The following LCN8 variants were observed in gnomAD, a reference collection of about 807,000 sequenced individuals.
LCN8 encodes the protein lipocalin 8, also known as epididymal-specific lipocalin-8.
Under a neutral mutation model 22.8 loss-of-function variants are expected in LCN8, and 16 were observed. The observed-to-expected ratio is 0.70, with a 90% confidence interval of 0.47 to 1.06. LCN8 has a LOEUF of 1.06. Ranked by LOEUF, LCN8 falls within the 50% of genes least tolerant of loss-of-function variation. The pLI is 0.00. For synonymous variants in LCN8, 92 were observed against 83.4 expected, an observed-to-expected ratio of 1.10 and a Z score of -0.56; for missense variants, 189 against 203.3, an observed-to-expected ratio of 0.93 and a Z score of 0.43.
intron 3 of LCN8, chr9:136,755,987 G>A: frequency 7.8e-7 from 1 of 1,289,988 alleles, no homozygotes; most frequent in South Asian, 1.3e-5. Context: ...GAACGGCACA[G>A]AGAAAAGTGC....
rs377343381 is a variant in LCN8, at chr9:136,757,132, C to T, written c.61G>A (p.Asp21Asn). ...GGGGCCGTCAGCACCAGGCTTTGAT[C>T]GGAGGCCACACCGACTTCCCTCCAG... ...GFWREVGVAS[D>N]QSLVLTAPKR... Residue 21 changes from aspartate to asparagine, a missense_variant, in exon 2 of 7, where the codon GAT (aspartate) becomes AAT (asparagine). By Grantham distance (23) the Asp-to-Asn change is conservative. Transcript: ENST00000371688. 7 of 1,613,162 alleles carry T rather than the reference C, an allele frequency of 4.3e-6. No homozygotes were observed. The highest frequency in any genetic ancestry group is 5.1e-6 in the Non-Finnish European group (6 of 1,179,716).
At chr9:136,755,680 G>T (rs1847167880) in intron 3 of LCN8, 164 bp from the exon 4 acceptor site, 5 of 1,150,270 alleles carry the variant, frequency 4.3e-6, no homozygotes, top group Non-Finnish European at 5.4e-6. Context: ...GTGTTGGTGG[G>T]AGAATGGGAA....
chr9:136,757,838 G>T (rs1588310129), intron 1 of LCN8, 69 bp downstream of exon 1: 6 of 1,612,186 alleles, frequency 3.7e-6, no homozygotes, highest in East Asian at 4.5e-5. Flanking sequence ...ACCGGGAGAG[G>T]CCTCCTTCCC....
chr9:136,755,536 C>A lies in LCN8; in HGVS notation c.227-20G>T, dbSNP rs776036155. ...TGTGGCCTTCAAGAGCCGGCCATGG[C>A]GTTGGGGGAGACGTCTGAGGGGGAC... On this transcript the variant is annotated intron_variant, in intron 3 of 6. Coordinates refer to ENST00000371688, the MANE Select transcript of LCN8 (RefSeq NM_178469.4). 7 of 1,605,586 alleles carry A rather than the reference C, an allele frequency of 4.4e-6. No individual in the cohort carries two copies. Among genetic ancestry groups the A allele is most frequent in the Non-Finnish European group, 5.1e-6 (6 of 1,177,106 alleles).
upstream of LCN8, chr9:136,758,307 A>AC (rs1281052621): frequency 1.7e-5 from 20 of 1,153,810 alleles, no homozygotes; most frequent in South Asian, 6.0e-5. Context: ...GGGCTCGGTG[A>AC]CCCCCACCCC....
Position 136,757,147 on chromosome 9 carries a change from C to T in LCN8, c.46G>A (p.Val16Ile). ...RQKIGGFWRE[V>I]GVASDQSLVL... is the part of the protein sequence containing the mutation. ...AGGCTTTGATCGGAGGCCACACCGA[C>T]TTCCCTCCAGAATCCTCCAATCTAG... Residue 16 changes from valine (V) to isoleucine (I), a missense_variant, in exon 2 of 7, where the codon GTC becomes ATC. Val to Ile is a conservative substitution (Grantham distance 29). Transcript: ENST00000371688. 2.5e-6 allele frequency: 4 copies of T among 1,613,076 alleles called. No homozygotes were observed. Among genetic ancestry groups the T allele is most frequent in the Non-Finnish European group, 3.4e-6 (4 of 1,179,640 alleles).
chr9:136,755,310 G>A lies in LCN8; in HGVS notation c.355C>T (p.Arg119Trp), dbSNP rs766977679. The A allele has an allele frequency of 2.5e-5, 41 of 1,610,284 alleles. No homozygotes were observed. The highest frequency in any genetic ancestry group is 6.7e-5 in the East Asian group (3 of 44,892). ...TCCCGAAACTTCCAGAACCCCAGCC[G>A]GTCCTTGTCCTCAAGGCTCCGAGCT... Reference protein sequence around the residue: ...YFTRSLEDKDRLGFWKFRELT... With the variant: ...YFTRSLEDKDWLGFWKFRELT... Residue 119 changes from arginine to tryptophan, a missense_variant, in exon 5 of 7, where the codon CGG becomes TGG. Transcript: ENST00000371688.
Position 136,758,223 on chromosome 9 carries a change from A to G in LCN8, c.-293T>C, listed in dbSNP as rs4419903. On this transcript the variant is annotated 5_prime_UTR_variant, in exon 1 of 7. The change abolishes an upstream ATG in the 5' untranslated region. Coordinates refer to ENST00000371688, the MANE Select transcript of LCN8 (RefSeq NM_178469.4). Reference sequence around the variant, plus strand: ...CAGCCTGCCCAGCCACCCTCCTGGCATATGGACAGCGGTGGACGCTGCTGG... The same window carrying G: ...CAGCCTGCCCAGCCACCCTCCTGGCGTATGGACAGCGGTGGACGCTGCTGG... 0.66 allele frequency: 901,851 copies of G among 1,364,126 alleles called. 302,800 individuals are homozygous for G. The highest frequency in any genetic ancestry group is 0.73 in the East Asian group (26,969 of 36,926). 84.5% of individuals were successfully genotyped at this position (1,364,126 alleles called of 1,614,324 possible).
Position 136,755,254 on chromosome 9 carries a change from C to T in LCN8, c.411G>A (p.Ala137=), listed in dbSNP as rs141717312. ...ELTADTGLYL[A]ARPGRCAELL... is the part of the protein sequence containing the mutation. ...GGCCCCTGGGCTCACCAGGCCGGGC[C>T]GCCAGGTAGAGACCAGTGTCTGCTG... The change falls in exon 5 of 7, where the codon GCG becomes GCA. Residue 137 remains alanine (A), a synonymous_variant. Coordinates refer to ENST00000371688, the MANE Select transcript of LCN8 (RefSeq NM_178469.4). 1.5e-5 allele frequency: 24 copies of T among 1,612,510 alleles called. 1 individual carries two copies. Among genetic ancestry groups the T allele is most frequent in the African/African-American group, 9.3e-5 (7 of 74,950 alleles).
Position 136,758,158 on chromosome 9 carries a change from A to T in LCN8, c.-228T>A. 7.0e-7 allele frequency: 1 copy of T among 1,431,630 alleles called. No homozygotes were observed. Among genetic ancestry groups the T allele is most frequent in the Non-Finnish European group, 9.1e-7 (1 of 1,093,154 alleles). The allele number at this position is 1,431,630 out of a possible 1,614,324, so 88.7% of individuals were successfully genotyped here. ...TGCACAAGCGCCATCGGCCCTGGTG[A>T]CACCCACGCCCACCGCAGGGGTTAG... On this transcript the variant is annotated 5_prime_UTR_variant, in exon 1 of 7. Transcript: ENST00000371688.
At chr9:136,757,884 AC>A (rs761657937) in intron 1 of LCN8, 22 bp downstream of exon 1, 6 of 1,613,656 alleles carry the variant, frequency 3.7e-6, no homozygotes, top group East Asian at 2.2e-5. Context: ...GAGGAGCCCC[AC>A]CAACTAAGAA....
At chr9:136,757,609 C>A in intron 1 of LCN8, 1 of 1,404,770 alleles carries the variant, frequency 7.1e-7, no homozygotes, top group Non-Finnish European at 9.3e-7. Context: ...AGAGGATGGG[C>A]CTCCTGCCCT....
intron 6 of LCN8, chr9:136,754,823 A>G: frequency 1.5e-6 from 2 of 1,348,738 alleles, no homozygotes; most frequent in Non-Finnish European, 9.5e-7. Flanking sequence ...TCCTGCACAG[A>G]ACACCGAAGA....
rs1324350521 is a variant in LCN8, at chr9:136,754,799, G to A, written c.448-290C>T. 2.9e-6 allele frequency: 4 copies of A among 1,377,018 alleles called. No individual in the cohort carries two copies. The South Asian group carries it at 5.3e-5, about 18-fold the overall frequency. 85.3% of individuals were successfully genotyped at this position (1,377,018 alleles called of 1,614,324 possible). A position where few individuals can be genotyped will look rare whatever the true frequency, so the allele number is the denominator to read the frequency against. ...GCCGCCGACGGGACCTTCGGGGGCA[G>A]AAGCAGCCGGCAGTCCTGCACAGAA... On this transcript the variant is annotated intron_variant, in intron 6 of 6. Transcript: ENST00000371688.
chr9:136,757,562 C>T lies in LCN8; in HGVS notation c.24+345G>A, dbSNP rs1847239112. The T allele has an allele frequency of 3.6e-6, 5 of 1,380,076 alleles. No homozygotes were observed. The East Asian group carries it at 1.4e-4, about 38-fold the overall frequency. 85.5% of individuals were successfully genotyped at this position (1,380,076 alleles called of 1,614,324 possible). Reference sequence around the variant, plus strand: ...GTGAGAAACGCCAGAGAACAGGTGGCTCGGGTAGCGCAGCTCGCCAGCCTG... The same window carrying T: ...GTGAGAAACGCCAGAGAACAGGTGGTTCGGGTAGCGCAGCTCGCCAGCCTG... On this transcript the variant is annotated intron_variant, in intron 1 of 6. Coordinates refer to ENST00000371688, the MANE Select transcript of LCN8 (RefSeq NM_178469.4).
chr9:136,756,108 G>A, intron 3 of LCN8: 1 of 1,049,130 alleles, frequency 9.5e-7, no homozygotes, highest in Non-Finnish European at 1.3e-6. Flanking sequence ...AACAGTGCAG[G>A]GAACAGCATG....
chr9:136,758,270 G>C, upstream of LCN8: 1 of 1,228,944 alleles, frequency 8.1e-7, no homozygotes, highest in South Asian at 2.6e-5. Context: ...AGCCTGAGAG[G>C]AAGAGGAGCT....
Position 136,758,189 on chromosome 9 carries a change from C to A in LCN8, c.-259G>T, listed in dbSNP as rs1847255124. 1 of 1,395,946 alleles carries A rather than the reference C, an allele frequency of 7.2e-7. No individual in the cohort carries two copies. The allele number at this position is 1,395,946 out of a possible 1,614,324, so 86.5% of individuals were successfully genotyped here. A position where few individuals can be genotyped will look rare whatever the true frequency, so the allele number is the denominator to read the frequency against. ...ACGCCCACCGCAGGGGTTAGCCTGG[C>A]CTAGACAGCAGCCTGCCCAGCCACC... is the stretch of plus-strand genomic sequence containing the variant. On this transcript the variant is annotated 5_prime_UTR_variant, in exon 1 of 7. Transcript: ENST00000371688.
At position 136,756,297 on chromosome 9, in the gene LCN8, A is replaced by G. The variant is rs1220971488; in HGVS notation, c.226+225T>C. On this transcript the variant is annotated intron_variant, in intron 3 of 6. Coordinates refer to ENST00000371688, the MANE Select transcript of LCN8 (RefSeq NM_178469.4). ...CAGGGAACAGCATGGGGAATAGTGC[A>G]GGAAACAGCATGTGGAACAGTGCAG... 9.2e-6 allele frequency: 14 copies of G among 1,514,782 alleles called. No individual in the cohort carries two copies. In the Middle Eastern group the frequency reaches 6.8e-4, roughly 73 times the overall value. The allele number at this position is 1,514,782 out of a possible 1,614,324, so 93.8% of individuals were successfully genotyped here. A position where few individuals can be genotyped will look rare whatever the true frequency, so the allele number is the denominator to read the frequency against.
Sources: gnomAD v4.1 joint callset for allele counts on GRCh38, gnomAD v4.1.1 for gene constraint, MANE v1.5 for transcripts, NCBI Gene and HGNC (gene_info 2026-07-23, HGNC 2026-07-21) for gene names.